The following FBXL19 variants were observed in gnomAD, a reference collection of about 807,000 sequenced individuals.
FBXL19 encodes the protein F-box and leucine rich repeat protein 19.
A neutral mutation model predicts 71.2 loss-of-function variants in FBXL19; 16 were observed. That is an observed-to-expected ratio of 0.22 (90% CI 0.15 to 0.34). The LOEUF (loss-of-function observed/expected upper bound fraction) is 0.34, where lower values mean the gene tolerates loss of function less well. Among genes scored for constraint, FBXL19 ranks in the 10% least tolerant of loss-of-function variants. FBXL19 has a pLI of 1.00. For missense variants in FBXL19, 658 were observed against 968.2 expected (o/e 0.68, Z 4.25); for synonymous variants, 447 against 409.4 (o/e 1.09, Z -1.11).
Position 30,947,818 on chromosome 16 carries a change from G to A in FBXL19, c.*588G>A, listed in dbSNP as rs1164617548. 1 of 445,704 alleles carries A rather than the reference G, an allele frequency of 2.2e-6. No homozygotes were observed. Among genetic ancestry groups the A allele is most frequent in the Non-Finnish European group, 4.5e-6 (1 of 222,018 alleles). The allele number at this position is 445,704 out of a possible 1,614,324, so 27.6% of individuals were successfully genotyped here. On this transcript the variant is annotated 3_prime_UTR_variant, in exon 11 of 11. Coordinates refer to ENST00000338343, the MANE Select transcript of FBXL19 (RefSeq NM_001382779.1). Reference sequence around the variant, plus strand: ...TGTGGGGACAGCAATACCCCCTTGGGGGTCACCTCTCTGCTTCCCCCCTCC... The same window carrying A: ...TGTGGGGACAGCAATACCCCCTTGGAGGTCACCTCTCTGCTTCCCCCCTCC...
At chr16:30,932,687 G>A (rs1951263227) in intron 7 of FBXL19, among the ~76,000 whole-genome samples, 1 of 152,056 alleles carries the variant, frequency 6.6e-6, no homozygotes, top group Non-Finnish European at 1.5e-5. Flanking sequence ...TGCCTGGAGG[G>A]TACTAAACAC....
chr16:30,928,516 GCCT>G lies in FBXL19; in HGVS notation c.683_685del (p.Leu228del). On this transcript the variant is annotated inframe_deletion, in exon 6 of 11. Transcript: ENST00000338343. Reference sequence around the variant, plus strand: ...CTGAAGAAGGTGGGTGGAGACGCCTGCCTCCTCCGAGGATCGGACCCAGGCGGC... The same window carrying G: ...CTGAAGAAGGTGGGTGGAGACGCCTGCCTCCGAGGATCGGACCCAGGCGGC... 1 of 1,606,820 alleles carries G rather than the reference GCCT, an allele frequency of 6.2e-7. No individual in the cohort carries two copies. Among genetic ancestry groups the G allele is most frequent in the Non-Finnish European group, 8.5e-7 (1 of 1,176,388 alleles).
chr16:30,926,701 T>G (rs2055596331), intron 2 of FBXL19, among the ~76,000 whole-genome samples: 1 of 152,064 alleles, frequency 6.6e-6, no homozygotes, highest in African/African-American at 2.4e-5. Flanking sequence ...GCCTCACTTT[T>G]CCTTCTCCCC....
At chr16:30,927,209 G>A in intron 2 of FBXL19, 99 bp from the exon 3 acceptor site, 1 of 1,278,508 alleles carries the variant, frequency 7.8e-7, no homozygotes, top group Non-Finnish European at 1.1e-6. Context: ...ACCCGTGGGT[G>A]CTGCACCTCA....
At position 30,934,874 on chromosome 16, in the gene FBXL19, G is replaced by A. The variant is rs551720231; in HGVS notation, c.1301+4290G>A. ...TCTGATGCTCAGGAGAAAGATACAC[G>A]TTTGGGAGTTCTCAGCCTGTAGGTA... On this transcript the variant is annotated intron_variant, in intron 7 of 10. Transcript: ENST00000338343. 4.6e-5 allele frequency among the ~76,000 whole-genome samples: 7 copies of A among 152,274 alleles called. No individual in the cohort carries two copies. In the South Asian group the frequency reaches 6.2e-4, roughly 14 times the overall value.
chr16:30,943,871 C>A (rs1271192150), intron 9 of FBXL19, among the ~76,000 whole-genome samples: 2 of 152,152 alleles, frequency 1.3e-5, no homozygotes, highest in East Asian at 3.8e-4. Context: ...CACCATGCCC[C>A]CTCCACAACA....
intron 9 of FBXL19, among the ~76,000 whole-genome samples, chr16:30,943,463 C>G (rs1410270863): frequency 2.0e-5 from 3 of 148,836 alleles, no homozygotes; most frequent in African/African-American, 7.4e-5. Flanking sequence ...CAAGCTCCAC[C>G]TCCCGGGTTC....
At chr16:30,945,314 A>C (rs919683379) in intron 9 of FBXL19, among the ~76,000 whole-genome samples, 2 of 152,090 alleles carry the variant, frequency 1.3e-5, no homozygotes, top group African/African-American at 4.8e-5. Context: ...GTGGTTCTTA[A>C]AGTGTGGTCG....
In FBXL19 at chr16:30,930,058, C is replaced by T. The variant is rs761346687; in HGVS notation, c.790-15C>T. On this transcript the variant is annotated splice_polypyrimidine_tract_variant and intron_variant, in intron 6 of 10. Coordinates refer to ENST00000338343, the MANE Select transcript of FBXL19 (RefSeq NM_001382779.1). This position sits in a 1 kb window ranked among gnomAD's most constrained non-coding sequence, Gnocchi z 8.5. ...TCCCAGGCCCTAGAACAGCATCAAC[C>T]CTGTCTCCCTGCAGAAACCAAAGCC... 6.2e-6 allele frequency: 10 copies of T among 1,606,150 alleles called. No homozygotes were observed. In the Admixed American group the frequency reaches 1.3e-4, roughly 22 times the overall value.
chr16:30,935,260 A>AGT (rs2055719809), intron 7 of FBXL19, among the ~76,000 whole-genome samples: 1 of 152,164 alleles, frequency 6.6e-6, no homozygotes, highest in Non-Finnish European at 1.5e-5. Context: ...CCTGGCGGAC[A>AGT]GTGGGCAGTG....
At chr16:30,934,554 AGTC>A (rs923072474) in intron 7 of FBXL19, among the ~76,000 whole-genome samples, 5 of 152,014 alleles carry the variant, frequency 3.3e-5, no homozygotes, top group Non-Finnish European at 5.9e-5. Context: ...GCTACTCGGG[AGTC>A]TGAGCCAGGA....
chr16:30,937,398 T>C (rs1432616719), intron 7 of FBXL19, among the ~76,000 whole-genome samples: 1 of 152,012 alleles, frequency 6.6e-6, no homozygotes, highest in African/African-American at 2.4e-5. Flanking sequence ...ACCCAGTCCT[T>C]GAGGTGACTC....
intron 7 of FBXL19, among the ~76,000 whole-genome samples, chr16:30,934,701 T>C (rs1176217152): frequency 4.7e-5 from 7 of 150,476 alleles, no homozygotes. Flanking sequence ...TAACTGGCAG[T>C]GGGGACAGCA....
At chr16:30,926,154 G>C (rs1455162779) in intron 2 of FBXL19, among the ~76,000 whole-genome samples, 6 of 152,114 alleles carry the variant, frequency 3.9e-5, no homozygotes, top group Admixed American at 2.0e-4. Context: ...CCCACTTTCA[G>C]GCTCTTCCCA....
chr16:30,935,993 C>T (rs1433657689), intron 7 of FBXL19, among the ~76,000 whole-genome samples: 4 of 152,190 alleles, frequency 2.6e-5, no homozygotes, highest in African/African-American at 4.8e-5. Flanking sequence ...CGCCCACCAT[C>T]GCAGTCCTGT....
chr16:30,940,792 G>C (rs1033006175), intron 7 of FBXL19, among the ~76,000 whole-genome samples: 7 of 151,964 alleles, frequency 4.6e-5, no homozygotes, highest in Non-Finnish European at 8.8e-5. Flanking sequence ...TCAGCCTCCC[G>C]AGTAGCTAGG....
At chr16:30,936,690 C>T (rs2055739725) in intron 7 of FBXL19, among the ~76,000 whole-genome samples, 1 of 150,260 alleles carries the variant, frequency 6.7e-6, no homozygotes, top group Non-Finnish European at 1.5e-5. Flanking sequence ...TCATGATCCA[C>T]CTGCCTCAGC....
intron 7 of FBXL19, among the ~76,000 whole-genome samples, chr16:30,933,339 A>G (rs942942597): frequency 9.2e-5 from 14 of 151,660 alleles, no homozygotes; most frequent in Admixed American, 5.9e-4. Flanking sequence ...GGGTTTTGCC[A>G]TATTGGTCAG....
In FBXL19 at chr16:30,928,629, G is replaced by T. The variant is rs753410617; in HGVS notation, c.789+1G>T. ...TGGGCTCCCTCCCGAGAACTGGGAG[G>T]TGTGCCGGGGACCTCCTCCCTCCCC... On this transcript the variant is annotated splice_donor_variant, in intron 6 of 10. Transcript: ENST00000338343. LOFTEE classifies it high-confidence loss of function. The T allele has an allele frequency of 1.9e-6, 3 of 1,565,768 alleles. No homozygotes were observed. The highest frequency in any genetic ancestry group is 2.6e-6 in the Non-Finnish European group (3 of 1,157,078).
Sources: gnomAD v4.1 joint callset for allele counts (sites outside exome capture counted in the v4.1 genomes callset) on GRCh38, gnomAD v4.1.1 for gene constraint, Gnocchi (gnomAD v3.1) non-coding constraint, MANE v1.5 for transcripts, NCBI Gene and HGNC (gene_info 2026-07-23, HGNC 2026-07-21) for gene names.